NAV3: variants seen among roughly 807,000 people sequenced by gnomAD.
NAV3 encodes neuron navigator 3.
A neutral mutation model predicts 244.7 loss-of-function variants in NAV3; 87 were observed. The ratio of observed to expected loss-of-function variants is 0.36; its 90% CI spans 0.30 to 0.42. The LOEUF (loss-of-function observed/expected upper bound fraction) is 0.42. NAV3 is among the 20% of genes least tolerant of loss of function. The pLI, the probability that NAV3 is intolerant of heterozygous loss-of-function variation, is 1.00. For missense variants in NAV3, 2,663 were observed against 2,893.3 expected, an observed-to-expected ratio of 0.92 and a Z score of 1.83; for synonymous variants, 1,126 against 1,042.2, an observed-to-expected ratio of 1.08 and a Z score of -1.55.
Position 77,831,341 on chromosome 12 carries a change from A to C in NAV3, c.-121A>C. The C allele has an allele frequency of 9.4e-7, 1 of 1,064,782 alleles. No homozygotes were observed. Among genetic ancestry groups the C allele is most frequent in the South Asian group, 2.5e-5 (1 of 39,770 alleles). The allele number at this position is 1,064,782 out of a possible 1,614,324, so 66.0% of individuals were successfully genotyped here. ...GAAAATTATATTATTAGCTTTTTAA[A>C]AATCAGGATGACTGCTAGTTTTGTT... On this transcript the variant is annotated 5_prime_UTR_variant, in exon 1 of 40. Transcript: ENST00000397909.
intron 1 of NAV3, among the ~76,000 whole-genome samples, chr12:77,832,980 A>G (rs1377199350): frequency 2.0e-5 from 3 of 152,224 alleles, no homozygotes; most frequent in Non-Finnish European, 2.9e-5. Flanking sequence ...AATCAACTCT[A>G]GAAGTGAAAA....
At chr12:77,716,971 A>G (rs757776285) in intron 2 of NAV3, among the ~76,000 whole-genome samples, 1 of 152,068 alleles carries the variant, frequency 6.6e-6, no homozygotes, top group Non-Finnish European at 1.5e-5. Context: ...ATAGGAGAGC[A>G]TCATGATTAA....
At chr12:77,879,458 A>G (rs945217740) in intron 1 of NAV3, among the ~76,000 whole-genome samples, 2 of 152,216 alleles carry the variant, frequency 1.3e-5, no homozygotes, top group African/African-American at 4.8e-5. Context: ...ACTTGAGCGC[A>G]GGAGTTCGAG....
intron 2 of NAV3, among the ~76,000 whole-genome samples, chr12:77,605,472 C>T (rs1870629862): frequency 6.6e-6 from 1 of 152,024 alleles, no homozygotes; most frequent in Admixed American, 6.6e-5. Context: ...TTTGTTCAAA[C>T]CCAAGTAAGA....
intron 2 of NAV3, among the ~76,000 whole-genome samples, chr12:77,618,042 T>C (rs1484857193): frequency 6.6e-6 from 1 of 152,090 alleles, no homozygotes; most frequent in Admixed American, 6.6e-5. Flanking sequence ...TTTGGTTTGG[T>C]TTTGTCTCTC....
intron 2 of NAV3, among the ~76,000 whole-genome samples, chr12:77,685,221 G>T (rs555004979): frequency 1.3e-4 from 20 of 152,046 alleles, no homozygotes; most frequent in Non-Finnish European, 2.8e-4. Context: ...AGATAAATAT[G>T]CATAAATCTT....
chr12:77,993,039 A>G lies in NAV3; in HGVS notation c.672-1764A>G, dbSNP rs145626609. Among the ~76,000 whole-genome samples the G allele has an allele frequency of 3.9e-4, 60 of 152,334 alleles. No homozygotes were observed. The East Asian group carries it at 0.01, about 26-fold the overall frequency. ...TTCAGGTTCAAAGTACAGTATCCTT[A>G]TATAATAATTCAGAAAACACACATG... On this transcript the variant is annotated intron_variant, in intron 5 of 39. Transcript: ENST00000397909.
intron 1 of NAV3, among the ~76,000 whole-genome samples, chr12:77,901,336 C>G (rs1374145491): frequency 6.6e-6 from 1 of 152,140 alleles, no homozygotes; most frequent in African/African-American, 2.4e-5. Context: ...AAATTTTCTT[C>G]TAGGATTCTT....
chr12:77,588,965 C>A (rs1869773373), intron 2 of NAV3, among the ~76,000 whole-genome samples: 1 of 152,108 alleles, frequency 6.6e-6, no homozygotes, highest in African/African-American at 2.4e-5. Flanking sequence ...CACAGCAGAG[C>A]TATACCTGGG....
intron 2 of NAV3, among the ~76,000 whole-genome samples, chr12:77,752,225 T>G (rs1446455880): frequency 6.6e-6 from 1 of 152,206 alleles, no homozygotes; most frequent in Non-Finnish European, 1.5e-5. Flanking sequence ...GTTCTTAATT[T>G]AAACTTGGCA....
chr12:77,738,400 C>G (rs971189769), intron 2 of NAV3, among the ~76,000 whole-genome samples: 4 of 152,150 alleles, frequency 2.6e-5, no homozygotes, highest in Non-Finnish European at 5.9e-5. Context: ...GTAAAGCACA[C>G]AGAACAATAG....
chr12:78,200,410 T>C, intron 37 of NAV3, 63 bp from the exon 38 acceptor site: 1 of 962,396 alleles, frequency 1.0e-6, no homozygotes, highest in Non-Finnish European at 1.5e-6. Context: ...AAATGGTGTC[T>C]AGATATGTGT....
intron 2 of NAV3, among the ~76,000 whole-genome samples, chr12:77,782,059 C>T (rs1279362054): frequency 6.6e-6 from 1 of 152,144 alleles, no homozygotes; most frequent in African/African-American, 2.4e-5. Flanking sequence ...CCACATTCTT[C>T]ATTTGCCAAA....
intron 39 of NAV3, among the ~76,000 whole-genome samples, chr12:78,206,160 A>C (rs1960280360): frequency 6.6e-6 from 1 of 150,470 alleles, no homozygotes; most frequent in Admixed American, 6.6e-5. Context: ...TCATAAAATC[A>C]CTGAAGTATA....
At chr12:78,105,626 G>T (rs149302811) in intron 12 of NAV3, among the ~76,000 whole-genome samples, 33 of 152,048 alleles carry the variant, frequency 2.2e-4, no homozygotes, top group Non-Finnish European at 4.6e-4. Context: ...TTCAGGTTCA[G>T]TTAGTAAGAA....
chr12:77,732,158 C>T (rs1007085583), intron 2 of NAV3, among the ~76,000 whole-genome samples: 1 of 151,964 alleles, frequency 6.6e-6, no homozygotes, highest in Non-Finnish European at 1.5e-5. Flanking sequence ...GCCTTTTCCT[C>T]CTCAAATTTA....
At chr12:77,863,227 T>A (rs879882391) in intron 1 of NAV3, among the ~76,000 whole-genome samples, 19 of 152,016 alleles carry the variant, frequency 1.2e-4, no homozygotes, top group Admixed American at 1.2e-3. Context: ...GCCATAGATA[T>A]GCGGATCAGA....
At chr12:77,908,247 C>T (rs1028476261) in intron 1 of NAV3, among the ~76,000 whole-genome samples, 4 of 151,912 alleles carry the variant, frequency 2.6e-5, no homozygotes, top group Non-Finnish European at 4.4e-5. Context: ...GGAAAATAAA[C>T]ATAAATATTA....
At chr12:77,805,061 T>C (rs1028629306) in intron 2 of NAV3, among the ~76,000 whole-genome samples, 7 of 152,164 alleles carry the variant, frequency 4.6e-5, no homozygotes, top group Admixed American at 2.6e-4. Flanking sequence ...CTTAAGGAGA[T>C]TTTGGGCTGA....
Sources: gnomAD v4.1 joint callset for allele counts (sites outside exome capture counted in the v4.1 genomes callset) on GRCh38, gnomAD v4.1.1 for gene constraint, MANE v1.5 for transcripts, NCBI Gene and HGNC (gene_info 2026-07-23, HGNC 2026-07-21) for gene names.